NEK10: variants seen among roughly 807,000 people sequenced by gnomAD.
The protein encoded by NEK10 is NIMA related kinase 10.
In NEK10, 122 loss-of-function variants were observed where a neutral mutation model predicts 159.8. The observed-to-expected ratio is 0.76, with a 90% CI of 0.66 to 0.89. The LOEUF is 0.89. NEK10 is among the 40% of genes least tolerant of loss of function. NEK10 has a pLI of 0.00. For synonymous variants in NEK10, 466 were observed against 457.1 expected, an observed-to-expected ratio of 1.02 and a Z score of -0.25; for missense variants, 1,342 against 1,323.1, an observed-to-expected ratio of 1.01 and a Z score of -0.22.
At chr3:27,146,792 G>A (rs1320905661) in intron 30 of NEK10, among the ~76,000 whole-genome samples, 1 of 152,204 alleles carries the variant, frequency 6.6e-6, no homozygotes, top group African/African-American at 2.4e-5. Context: ...CACAGGAAAT[G>A]TATTGGGTGT....
chr3:27,212,984 T>C (rs568573954), intron 23 of NEK10, among the ~76,000 whole-genome samples: 1 of 89,844 alleles, frequency 1.1e-5, no homozygotes, highest in South Asian at 4.2e-4. Flanking sequence ...CCTCTCCATT[T>C]ACATTGGGCA....
At chr3:27,262,332 G>C (rs566540426) in intron 22 of NEK10, among the ~76,000 whole-genome samples, 6 of 152,132 alleles carry the variant, frequency 3.9e-5, no homozygotes, top group African/African-American at 1.2e-4. Context: ...TTCTCAAGGA[G>C]TATCTTTGTG....
chr3:27,236,643 C>T (rs183378733), intron 23 of NEK10, among the ~76,000 whole-genome samples: 1 of 152,234 alleles, frequency 6.6e-6, no homozygotes, highest in East Asian at 1.9e-4. Flanking sequence ...GCCGCAAAAC[C>T]AGCAGGTTTT....
At chr3:27,220,831 G>T (rs1952023760) in intron 23 of NEK10, among the ~76,000 whole-genome samples, 1 of 152,110 alleles carries the variant, frequency 6.6e-6, no homozygotes, top group South Asian at 2.1e-4. Flanking sequence ...CATATAGATT[G>T]ATAAAATAAA....
chr3:27,273,689 T>C (rs2041550117), intron 22 of NEK10, among the ~76,000 whole-genome samples: 1 of 152,180 alleles, frequency 6.6e-6, no homozygotes, highest in African/African-American at 2.4e-5. Context: ...GAAACCTCTA[T>C]AATACTAGGC....
intron 23 of NEK10, among the ~76,000 whole-genome samples, chr3:27,246,392 T>C (rs1955067034): frequency 6.6e-6 from 1 of 152,098 alleles, no homozygotes; most frequent in African/African-American, 2.4e-5. Flanking sequence ...TCAAGTAAAT[T>C]TAGATTTTTT....
intron 5 of NEK10, among the ~76,000 whole-genome samples, chr3:27,339,455 T>A (rs1465526046): frequency 2.0e-5 from 3 of 152,118 alleles, no homozygotes; most frequent in Non-Finnish European, 4.4e-5. Context: ...AAGGAGCTCA[T>A]CATCACTGGT....
At position 27,310,377 on chromosome 3, in the gene NEK10, G is replaced by A. The variant is rs377113034; in HGVS notation, c.636+572C>T. 5.9e-5 allele frequency: 9 copies of A among 152,290 alleles called. No individual in the cohort carries two copies. The South Asian group carries it at 1.2e-3, about 21-fold the overall frequency. The allele number at this position is 152,290 out of a possible 1,614,324, so 9.4% of individuals were successfully genotyped here. A position where few individuals can be genotyped will look rare whatever the true frequency, so the allele number is the denominator to read the frequency against. On this transcript the variant is annotated intron_variant, in intron 9 of 35. Coordinates refer to ENST00000691995, the MANE Select transcript of NEK10 (RefSeq NM_001394966.1). ...CACCTAGAATCATCCTCTAGACCAT[G>A]AGCAGCATGTGTTAACACATTTTAG...
chr3:27,193,432 T>C (rs544785725), intron 25 of NEK10, among the ~76,000 whole-genome samples: 3 of 152,100 alleles, frequency 2.0e-5, no homozygotes, highest in Non-Finnish European at 4.4e-5. Context: ...TAGGATAAAA[T>C]TAAAATTCCC....
At chr3:27,111,741 T>C (rs896887112) in intron 35 of NEK10, among the ~76,000 whole-genome samples, 6 of 152,200 alleles carry the variant, frequency 3.9e-5, no homozygotes, top group African/African-American at 1.4e-4. Flanking sequence ...AATATTAATG[T>C]AATACATAAG....
At chr3:27,263,977 T>C (rs1367430500) in intron 22 of NEK10, among the ~76,000 whole-genome samples, 1 of 152,336 alleles carries the variant, frequency 6.6e-6, no homozygotes, top group East Asian at 1.9e-4. Context: ...TATAAATACA[T>C]GTAGTAGAGT....
At chr3:27,350,840 T>C (rs745666976) in intron 3 of NEK10, among the ~76,000 whole-genome samples, 2 of 152,058 alleles carry the variant, frequency 1.3e-5, no homozygotes, top group African/African-American at 2.4e-5. Context: ...AAAAACTATA[T>C]TGGTTTTTGG....
chr3:27,344,354 C>A lies in NEK10; in HGVS notation c.280G>T (p.Glu94Ter). Residue 94 changes from glutamate (E) to a stop codon, truncating the protein, a stop_gained, in exon 5 of 36, where the codon GAG becomes TAG. Transcript: ENST00000691995. LOFTEE classifies it high-confidence loss of function. ...TGAGGATGTTTGCTGAAATTTCTCTCATTCTTGTAGTTTATACTGAGACAA... is the reference window on the plus strand; with the variant it reads ...TGAGGATGTTTGCTGAAATTTCTCTAATTCTTGTAGTTTATACTGAGACAA... ...LENFSINYKN[E>*]RNFSKHPQRK... is the part of the protein sequence containing the mutation. The A allele has an allele frequency of 1.3e-6, 2 of 1,574,644 alleles. No homozygotes were observed. Among genetic ancestry groups the A allele is most frequent in the Non-Finnish European group, 1.7e-6 (2 of 1,149,780 alleles).
chr3:27,137,241 C>CA (rs977166492), intron 31 of NEK10, among the ~76,000 whole-genome samples: 19 of 150,886 alleles, frequency 1.3e-4, no homozygotes, highest in South Asian at 6.3e-4. Flanking sequence ...GCCATTCTGC[C>CA]AAAAAAAATG....
At chr3:27,148,763 T>C (rs1237390486) in intron 30 of NEK10, among the ~76,000 whole-genome samples, 1 of 152,184 alleles carries the variant, frequency 6.6e-6, no homozygotes, top group Non-Finnish European at 1.5e-5. Context: ...GAGAGTGGGA[T>C]ACCTTTCAAC....
chr3:27,274,925 T>A (rs898689289), intron 22 of NEK10, among the ~76,000 whole-genome samples: 1 of 152,116 alleles, frequency 6.6e-6, no homozygotes, highest in East Asian at 1.9e-4. Flanking sequence ...CCAGACGACA[T>A]CACACATCAG....
intron 23 of NEK10, among the ~76,000 whole-genome samples, chr3:27,235,768 C>A (rs957230507): frequency 2.0e-4 from 30 of 152,070 alleles, no homozygotes; most frequent in Admixed American, 1.9e-3. Flanking sequence ...TGGGTATATA[C>A]CCAAAGGAAT....
intron 6 of NEK10, among the ~76,000 whole-genome samples, 161 bp downstream of exon 6, chr3:27,322,016 T>C (rs1219210859): frequency 1.3e-5 from 2 of 152,186 alleles, no homozygotes; most frequent in South Asian, 2.1e-4. Flanking sequence ...TCCTCTCAAA[T>C]CTTTTTAAAT....
At chr3:27,330,480 G>GA (rs1238634946) in intron 5 of NEK10, among the ~76,000 whole-genome samples, 4 of 152,046 alleles carry the variant, frequency 2.6e-5, no homozygotes, top group African/African-American at 9.7e-5. Context: ...ATAAGTGAAG[G>GA]AAAAAAGCAT....
Sources: gnomAD v4.1 joint callset for allele counts (sites outside exome capture counted in the v4.1 genomes callset) on GRCh38, gnomAD v4.1.1 for gene constraint, MANE v1.5 for transcripts, NCBI Gene and HGNC (gene_info 2026-07-23, HGNC 2026-07-21) for gene names.